Variants in TRNT1 observed in about 807,000 individuals in gnomAD.
TRNT1 encodes tRNA nucleotidyl transferase 1.
TRNT1 carries 44 observed loss-of-function variants against 45.6 expected under a neutral mutation model. The observed-to-expected ratio is 0.97, with a 90% CI of 0.76 to 1.24. TRNT1 has a LOEUF of 1.24. TRNT1 is among the 50% of genes most tolerant of loss of function. The pLI is 0.00. For missense variants in TRNT1, 633 were observed against 504.4 expected, an observed-to-expected ratio of 1.25 and a Z score of -2.44; for synonymous variants, 201 against 171.4, an observed-to-expected ratio of 1.17 and a Z score of -1.35.
At chr3:3,136,558 T>C (rs967801151) in intron 2 of TRNT1, 3 of 402,744 alleles carry the variant, frequency 7.4e-6, no homozygotes, top group African/African-American at 2.1e-5. Context: ...AACATCTATC[T>C]GTAAACACAG....
Position 3,144,578 on chromosome 3 carries a change from G to A in TRNT1, c.482-6G>A. 1.3e-6 allele frequency: 2 copies of A among 1,571,884 alleles called. No individual in the cohort carries two copies. Among genetic ancestry groups the A allele is most frequent in the Non-Finnish European group, 8.6e-7 (1 of 1,158,088 alleles). On this transcript the variant is annotated splice_region_variant and splice_polypyrimidine_tract_variant and intron_variant, in intron 4 of 7. Transcript: ENST00000251607. ...TGATTTTTCTCCCTCCTTTTCTAAT[G>A]AATAGGTTTTGATGGCACTTTATTT...
In TRNT1 at chr3:3,137,387, G is replaced by A; in HGVS notation, c.276G>A (p.Met92Ile). 6.2e-7 allele frequency: 1 copy of A among 1,613,916 alleles called. No individual in the cohort carries two copies. Among genetic ancestry groups the A allele is most frequent in the Non-Finnish European group, 8.5e-7 (1 of 1,179,902 alleles). ...TTATPTQMKE[M>I]FQSAGIRMIN... is the part of the protein sequence containing the mutation. ...CTACCCCTACTCAAATGAAGGAGATGTTTCAGTCGGCTGGGATTCGGATGA... is the reference window on the plus strand; with the variant it reads ...CTACCCCTACTCAAATGAAGGAGATATTTCAGTCGGCTGGGATTCGGATGA... Residue 92 changes from methionine to isoleucine, a missense_variant, in exon 3 of 8, where the codon ATG (methionine) becomes ATA (isoleucine). Coordinates refer to ENST00000251607, the MANE Select transcript of TRNT1 (RefSeq NM_182916.3).
chr3:3,140,768 G>A, intron 4 of TRNT1, 120 bp downstream of exon 4: 2 of 1,282,872 alleles, frequency 1.6e-6, no homozygotes, highest in Middle Eastern at 2.4e-4. Flanking sequence ...TCTAAGAGAT[G>A]GTTTAGCAGA....
At chr3:3,144,375 T>C (rs1366810623) in intron 4 of TRNT1, among the ~76,000 whole-genome samples, 1 of 152,254 alleles carries the variant, frequency 6.6e-6, no homozygotes, top group Non-Finnish European at 1.5e-5. Flanking sequence ...ATCTTTTTAG[T>C]TGCAATTGTA....
intron 2 of TRNT1, among the ~76,000 whole-genome samples, chr3:3,134,398 C>T (rs1705200219): frequency 6.6e-6 from 1 of 152,056 alleles, no homozygotes; most frequent in African/African-American, 2.4e-5. Context: ...TCCTGAATGG[C>T]AAGGTTTTTG....
intron 2 of TRNT1, among the ~76,000 whole-genome samples, chr3:3,134,014 A>G (rs890301949): frequency 6.6e-6 from 1 of 152,214 alleles, no homozygotes; most frequent in Non-Finnish European, 1.5e-5. Flanking sequence ...ATTGCTAATA[A>G]TAATTAACAA....
chr3:3,149,779 C>T (rs1706359311), downstream of TRNT1: 1 of 152,144 alleles, frequency 6.6e-6, no homozygotes, highest in African/African-American at 2.4e-5. Flanking sequence ...TTTCACTCCA[C>T]CTTCAAGGCA....
chr3:3,140,769 G>A, intron 4 of TRNT1, 121 bp downstream of exon 4: 1 of 1,281,088 alleles, frequency 7.8e-7, no homozygotes, highest in East Asian at 2.5e-5. Context: ...CTAAGAGATG[G>A]TTTAGCAGAT....
chr3:3,148,257 A>C lies in TRNT1; in HGVS notation c.*103A>C, dbSNP rs185263036. The C allele has an allele frequency of 3.9e-6, 5 of 1,278,430 alleles. No homozygotes were observed. Among genetic ancestry groups the C allele is most frequent in the African/African-American group, 3.0e-5 (2 of 66,554 alleles). 79.2% of individuals were successfully genotyped at this position (1,278,430 alleles called of 1,614,324 possible). A position where few individuals can be genotyped will look rare whatever the true frequency, so the allele number is the denominator to read the frequency against. On this transcript the variant is annotated 3_prime_UTR_variant, in exon 8 of 8. Transcript: ENST00000251607. ...ACTACACCAGAATAAAAGACAGTTT[A>C]GGGGACCTCTGTAGAACAACAAGGG...
downstream of TRNT1, chr3:3,150,999 C>T: frequency 6.2e-7 from 1 of 1,613,956 alleles, no homozygotes; most frequent in Non-Finnish European, 8.5e-7. Context: ...AACTTCCATC[C>T]AATATGGCTT....
Position 3,147,439 on chromosome 3 carries a change from T to C in TRNT1, c.803-11T>C. 1.2e-6 allele frequency: 2 copies of C among 1,610,370 alleles called. No individual in the cohort carries two copies. The highest frequency in any genetic ancestry group is 1.7e-6 in the Non-Finnish European group (2 of 1,177,962). On this transcript the variant is annotated splice_polypyrimidine_tract_variant and intron_variant, in intron 6 of 7. Coordinates refer to ENST00000251607, the MANE Select transcript of TRNT1 (RefSeq NM_182916.3). Reference sequence around the variant, plus strand: ...ACTAAAAACAGGTGAAAAATGCTTTTGTCCCTACAGGTTTACCTGCTAATG... The same window carrying C: ...ACTAAAAACAGGTGAAAAATGCTTTCGTCCCTACAGGTTTACCTGCTAATG...
Position 3,147,636 on chromosome 3 carries a change from G to C in TRNT1, c.989G>C (p.Arg330Thr). ...CTTGGCTTATTTATAGTTAAAAATAGGAAAGATTTAATTAAAGCAACAGAT... is the reference window on the plus strand; with the variant it reads ...CTTGGCTTATTTATAGTTAAAAATACGAAAGATTTAATTAAAGCAACAGAT... ...KNLGLFIVKN[R>T]KDLIKATDSS... is the part of the protein sequence containing the mutation. Residue 330 changes from arginine to threonine, a missense_variant, in exon 7 of 8, where the codon AGG becomes ACG. Arg to Thr is a moderately conservative substitution (Grantham distance 71, BLOSUM62 -1). Coordinates refer to ENST00000251607, the MANE Select transcript of TRNT1 (RefSeq NM_182916.3). 3 of 1,613,762 alleles carry C rather than the reference G, an allele frequency of 1.9e-6. No individual in the cohort carries two copies. The highest frequency in any genetic ancestry group is 2.5e-6 in the Non-Finnish European group (3 of 1,179,764).
intron 3 of TRNT1, among the ~76,000 whole-genome samples, chr3:3,137,990 C>T (rs1705431631): frequency 6.6e-6 from 1 of 152,142 alleles, no homozygotes; most frequent in African/African-American, 2.4e-5. Context: ...CAATTTATTC[C>T]TGCACTCTGT....
At chr3:3,136,511 T>G (rs1676423507) in intron 2 of TRNT1, among the ~76,000 whole-genome samples, 1 of 152,204 alleles carries the variant, frequency 6.6e-6, no homozygotes, top group African/African-American at 2.4e-5. Context: ...TGGTATAGAC[T>G]AATGTCTGAT....
At chr3:3,140,467 CCT>C (rs1705575709) in intron 3 of TRNT1, 41 bp from the exon 4 acceptor site, 2 of 1,595,458 alleles carry the variant, frequency 1.3e-6, no homozygotes, top group South Asian at 2.3e-5. Context: ...AGTATGAAAA[CCT>C]AATTTAAATG....
intron 3 of TRNT1, 40 bp from the exon 4 acceptor site, chr3:3,140,470 A>C (rs759311099): frequency 6.3e-7 from 1 of 1,599,440 alleles, no homozygotes; most frequent in East Asian, 2.2e-5. Flanking sequence ...ATGAAAACCT[A>C]ATTTAAATGA....
intron 2 of TRNT1, among the ~76,000 whole-genome samples, chr3:3,136,376 C>T (rs1159515623): frequency 6.6e-6 from 1 of 152,118 alleles, no homozygotes; most frequent in African/African-American, 2.4e-5. Flanking sequence ...GAGGAGTCAG[C>T]TATGTAGTTG....
In TRNT1 at chr3:3,129,143, C is replaced by A; in HGVS notation, c.103C>A (p.Pro35Thr). The change falls in exon 2 of 8, where the codon CCC becomes ACC. Residue 35 changes from proline to threonine, a missense_variant. Pro to Thr is a conservative substitution (Grantham distance 38). Transcript: ENST00000251607. ...TCTATTCACAATGAAGTTGCAGTCT[C>A]CCGAATTCCAGTCACTTTTCACAGA... Reference protein sequence around the residue: ...QYLFTMKLQSPEFQSLFTEGL... With the variant: ...QYLFTMKLQSTEFQSLFTEGL... 6.2e-7 allele frequency: 1 copy of A among 1,614,092 alleles called. No individual in the cohort carries two copies. The highest frequency in any genetic ancestry group is 1.1e-5 in the South Asian group (1 of 91,082).
intron 2 of TRNT1, among the ~76,000 whole-genome samples, chr3:3,130,899 C>T (rs1134240): frequency 0.18 from 26,533 of 151,356 alleles, 3,441 homozygotes; most frequent in East Asian, 0.71. Context: ...CTGGGCAACA[C>T]GGTGAAACCC....
Sources: gnomAD v4.1 joint callset for allele counts (sites outside exome capture counted in the v4.1 genomes callset) on GRCh38, gnomAD v4.1.1 for gene constraint, MANE v1.5 for transcripts, NCBI Gene and HGNC (gene_info 2026-07-23, HGNC 2026-07-21) for gene names.